PRKAR1A: variants seen among roughly 807,000 people sequenced by gnomAD.
PRKAR1A encodes the protein cAMP-dependent protein kinase type I-alpha regulatory subunit.
Under a neutral mutation model 52.0 loss-of-function variants are expected in PRKAR1A, and 3 were observed. That is an observed-to-expected ratio of 0.06 (90% CI 0.03 to 0.15). The LOEUF (loss-of-function observed/expected upper bound fraction) is 0.15. PRKAR1A is among the 10% of genes least tolerant of loss of function. PRKAR1A has a pLI of 1.00. For synonymous variants in PRKAR1A, 188 were observed against 168.4 expected (o/e 1.12, Z -0.90); for missense variants, 240 against 477.4 (o/e 0.50, Z 4.63).
chr17:68,456,896 G>T, the PRKAR1A span, among the ~76,000 whole-genome samples: 1 of 152,232 alleles, frequency 6.6e-6, no homozygotes, highest in Non-Finnish European at 1.5e-5. Flanking sequence ...AAATGGGAAA[G>T]TTTTTCCTGT....
chr17:68,486,571 T>C, the PRKAR1A span, among the ~76,000 whole-genome samples: 1 of 146,344 alleles, frequency 6.8e-6, no homozygotes, highest in East Asian at 2.0e-4. Context: ...CTTTCTTTCT[T>C]CTTTCCTTCC....
the PRKAR1A span, chr17:68,421,928 G>A: frequency 2.1e-6 from 3 of 1,445,074 alleles, no homozygotes; most frequent in Non-Finnish European, 2.9e-6. Flanking sequence ...GAGAGGCTGG[G>A]CACTGTGGAA....
chr17:68,421,071 C>G, the PRKAR1A span: 2 of 155,056 alleles, frequency 1.3e-5, no homozygotes, highest in Non-Finnish European at 2.9e-5. Flanking sequence ...TCCTACATTT[C>G]TATCAAACAA....
the PRKAR1A span, among the ~76,000 whole-genome samples, chr17:68,445,145 C>G: frequency 1.3e-5 from 2 of 152,104 alleles, no homozygotes; most frequent in Non-Finnish European, 2.9e-5. Context: ...GTCTCGAACT[C>G]CCGACCTCAG....
chr17:68,417,904 A>ATAT, the PRKAR1A span, among the ~76,000 whole-genome samples: 1 of 151,064 alleles, frequency 6.6e-6, no homozygotes, highest in East Asian at 1.9e-4. Flanking sequence ...ATAATTTTTT[A>ATAT]TATTTTTAGT....
chr17:68,457,400 C>T, the PRKAR1A span: 1 of 1,528,336 alleles, frequency 6.5e-7, no homozygotes, highest in Non-Finnish European at 8.8e-7. Context: ...CCCGGGGGAG[C>T]GTCCGCGGCC....
intron 5 of PRKAR1A, 37 bp from the exon 6 acceptor site, chr17:68,524,875 T>C (rs1227978833): frequency 2.0e-6 from 3 of 1,502,712 alleles, no homozygotes; most frequent in Non-Finnish European, 2.8e-6. Context: ...CTTTCTTTAA[T>C]TTGGAATATG....
At chr17:68,453,231 GAA>G in the PRKAR1A span, among the ~76,000 whole-genome samples, 10 of 152,246 alleles carry the variant, frequency 6.6e-5, no homozygotes, top group Non-Finnish European at 1.2e-4. Flanking sequence ...CAAGGGGCAT[GAA>G]ACTGCATGAG....
intron 2 of PRKAR1A, 69 bp downstream of exon 2, chr17:68,515,645 C>G: frequency 6.6e-7 from 1 of 1,512,048 alleles, no homozygotes; most frequent in Non-Finnish European, 9.1e-7. Context: ...TGGAATGTTA[C>G]TAATTTGTAT....
In PRKAR1A at chr17:68,524,001, T is replaced by G; in HGVS notation, c.441-15T>G. 1.2e-6 allele frequency: 2 copies of G among 1,613,942 alleles called. No individual in the cohort carries two copies. Among genetic ancestry groups the G allele is most frequent in the Non-Finnish European group, 1.7e-6 (2 of 1,179,818 alleles). ...GACATGTGAAATGTAACACGAGGCC[T>G]TCTCTCTTTTGCAGTGATATTTTTG... is the stretch of plus-strand genomic sequence containing the variant. On this transcript the variant is annotated splice_polypyrimidine_tract_variant and intron_variant, in intron 4 of 10. Coordinates refer to ENST00000589228, the MANE Select transcript of PRKAR1A (RefSeq NM_002734.5).
chr17:68,427,444 C>T, the PRKAR1A span: 12 of 414,442 alleles, frequency 2.9e-5, no homozygotes, highest in Non-Finnish European at 5.2e-5. Flanking sequence ...GCAACCTCCG[C>T]CTCCTGGGTT....
chr17:68,500,007 C>T, the PRKAR1A span, among the ~76,000 whole-genome samples: 1 of 152,208 alleles, frequency 6.6e-6, no homozygotes, highest in Non-Finnish European at 1.5e-5. Context: ...ATACCCAGGA[C>T]AGGATATGGG....
the PRKAR1A span, chr17:68,421,828 A>T: frequency 6.2e-7 from 1 of 1,614,134 alleles, no homozygotes; most frequent in South Asian, 1.1e-5. Context: ...TATCTACCAA[A>T]ATCAAAACAG....
chr17:68,450,814 T>C, the PRKAR1A span: 1 of 1,614,216 alleles, frequency 6.2e-7, no homozygotes, highest in Non-Finnish European at 8.5e-7. Context: ...TACACGTTCA[T>C]CTGCCGTGGT....
the PRKAR1A span, among the ~76,000 whole-genome samples, chr17:68,505,140 A>G: frequency 1.3e-5 from 2 of 152,058 alleles, no homozygotes; most frequent in African/African-American, 2.4e-5. Context: ...ACCCCCCAAA[A>G]TACAAAAACT....
chr17:68,536,352 C>T (rs1307605890), downstream of PRKAR1A: 1 of 453,948 alleles, frequency 2.2e-6, no homozygotes, highest in African/African-American at 2.0e-5. Context: ...GAAGACCTTA[C>T]TGTCCTTTGT....
In PRKAR1A at chr17:68,531,945, A is replaced by G. The variant is rs1433496281; in HGVS notation, c.*1496A>G. 10 of 1,065,864 alleles carry G rather than the reference A, an allele frequency of 9.4e-6. No homozygotes were observed. The highest frequency in any genetic ancestry group is 5.0e-5 in the East Asian group (1 of 20,070). The allele number at this position is 1,065,864 out of a possible 1,614,324, so 66.0% of individuals were successfully genotyped here. A position where few individuals can be genotyped will look rare whatever the true frequency, so the allele number is the denominator to read the frequency against. The stretch of plus-strand genomic sequence containing the variant: ...GCAAGCATTTTTCCATCTGTGTGCA[A>G]CTAACTGACTCTGTTATTGATCCCT... On this transcript the variant is annotated 3_prime_UTR_variant, in exon 11 of 11. Coordinates refer to ENST00000589228, the MANE Select transcript of PRKAR1A (RefSeq NM_002734.5).
upstream of PRKAR1A, among the ~76,000 whole-genome samples, chr17:68,510,322 T>C (rs1485213495): frequency 6.6e-6 from 1 of 152,166 alleles, no homozygotes; most frequent in African/African-American, 2.4e-5. Context: ...ACAATAACAA[T>C]ATTACCTATG....
the PRKAR1A span, among the ~76,000 whole-genome samples, chr17:68,494,962 A>G: frequency 0.022 from 3,282 of 152,312 alleles, 70 homozygotes; most frequent in Non-Finnish European, 0.034. Context: ...TTAAACAAAG[A>G]AAGTCTTCTT....
Sources: gnomAD v4.1 joint callset for allele counts (sites outside exome capture counted in the v4.1 genomes callset) on GRCh38, gnomAD v4.1.1 for gene constraint, MANE v1.5 for transcripts, NCBI Gene and HGNC (gene_info 2026-07-23, HGNC 2026-07-21) for gene names.